The following ADARB1 variants were observed in gnomAD, a reference collection of about 807,000 sequenced individuals.
ADARB1 encodes the protein adenosine deaminase RNA specific B1.
In ADARB1, 10 loss-of-function variants were observed where a neutral mutation model predicts 52.4. That is an observed-to-expected ratio of 0.19 (90% CI 0.12 to 0.32). The LOEUF is 0.32. Among genes scored for constraint, ADARB1 ranks in the 10% least tolerant of loss-of-function variants. The pLI is 1.00. For synonymous variants in ADARB1, 349 were observed against 371.1 expected (o/e 0.94, Z 0.68); for missense variants, 643 against 922.3 (o/e 0.70, Z 3.92).
Position 45,208,707 on chromosome 21 carries a change from C to T in ADARB1, c.1747+3971C>T, listed in dbSNP as rs1268714315. 1.3e-5 allele frequency among the ~76,000 whole-genome samples: 2 copies of T among 151,652 alleles called. No homozygotes were observed. The highest frequency in any genetic ancestry group is 2.9e-5 in the Non-Finnish European group (2 of 67,876). On this transcript the variant is annotated intron_variant, in intron 9 of 10. Coordinates refer to ENST00000348831, the MANE Select transcript of ADARB1 (RefSeq NM_001112.4). The surrounding 1 kb of genome is among the most constrained non-coding windows in gnomAD (Gnocchi z 5.6). Reference sequence around the variant, plus strand: ...GTGTGTGCATGTGTGTGTGCACGCTCACATGAGTGTATGAGAGAGAGAGTG... The same window carrying T: ...GTGTGTGCATGTGTGTGTGCACGCTTACATGAGTGTATGAGAGAGAGAGTG...
rs2092994268 is a variant in ADARB1 at position 45,223,138 on chromosome 21, A to C, written c.*941A>C. 1 of 985,382 alleles carries C rather than the reference A, an allele frequency of 1.0e-6. No individual in the cohort carries two copies. Among genetic ancestry groups the C allele is most frequent in the Admixed American group, 6.1e-5 (1 of 16,276 alleles). The allele number at this position is 985,382 out of a possible 1,614,324, so 61.0% of individuals were successfully genotyped here. A position where few individuals can be genotyped will look rare whatever the true frequency, so the allele number is the denominator to read the frequency against. On this transcript the variant is annotated 3_prime_UTR_variant, in exon 11 of 11. Coordinates refer to ENST00000348831, the MANE Select transcript of ADARB1 (RefSeq NM_001112.4). ...TCCCTCTGTTCCTTCCTCTGAATCG[A>C]ATGGATGTGGGTGACCGCCCGAAGG...
At chr21:45,119,542 T>A (rs140094480) in intron 1 of ADARB1, among the ~76,000 whole-genome samples, 1 of 152,254 alleles carries the variant, frequency 6.6e-6, no homozygotes, top group Non-Finnish European at 1.5e-5. Context: ...GAAGTTCTTA[T>A]GAGACGTGTT....
rs1483902268 is a variant in ADARB1, at chr21:45,157,787, C to T, written c.-47-13823C>T. Among the ~76,000 whole-genome samples the T allele has an allele frequency of 1.3e-5, 2 of 152,148 alleles. No individual in the cohort carries two copies. Among genetic ancestry groups the T allele is most frequent in the Non-Finnish European group, 2.9e-5 (2 of 68,016 alleles). ...GATGCTCTGTGGCACAGCTGGCCCT[C>T]GAAGTCACTCAGGGACCTAGGTTTC... On this transcript the variant is annotated intron_variant, in intron 2 of 10. Coordinates refer to ENST00000348831, the MANE Select transcript of ADARB1 (RefSeq NM_001112.4). The surrounding 1 kb of genome is among the most constrained non-coding windows in gnomAD (Gnocchi z 4.1).
intron 1 of ADARB1, among the ~76,000 whole-genome samples, chr21:45,080,864 G>A (rs868853092): frequency 7.9e-5 from 12 of 152,280 alleles, no homozygotes; most frequent in African/African-American, 2.9e-4. Context: ...TTGTTGCTTT[G>A]GGCCTGTTGC....
At chr21:45,195,280 A>G (rs190399801) in intron 8 of ADARB1, among the ~76,000 whole-genome samples, 1 of 151,932 alleles carries the variant, frequency 6.6e-6, no homozygotes, top group Admixed American at 6.6e-5. Context: ...GAGTTTAGAG[A>G]GTTTTTTGTA....
chr21:45,147,465 G>A (rs1480408012), intron 2 of ADARB1, among the ~76,000 whole-genome samples: 1 of 152,238 alleles, frequency 6.6e-6, no homozygotes, highest in African/African-American at 2.4e-5. Flanking sequence ...GCACAGATGT[G>A]TGCACAGATG....
At chr21:45,124,884 A>T (rs1305270169) in intron 1 of ADARB1, among the ~76,000 whole-genome samples, 2 of 151,558 alleles carry the variant, frequency 1.3e-5, no homozygotes, top group African/African-American at 4.9e-5. Flanking sequence ...TGCAGCCTCG[A>T]CCATTCAGGC....
intron 8 of ADARB1, among the ~76,000 whole-genome samples, chr21:45,201,106 G>A (rs577319858): frequency 6.6e-6 from 1 of 152,250 alleles, no homozygotes; most frequent in African/African-American, 2.4e-5. Flanking sequence ...CATGGGGTCC[G>A]CAGGACAGGT....
At chr21:45,109,598 A>G (rs1274379359) in intron 1 of ADARB1, among the ~76,000 whole-genome samples, 3 of 152,248 alleles carry the variant, frequency 2.0e-5, no homozygotes, top group Admixed American at 6.5e-5. Flanking sequence ...GGCTCCGTGT[A>G]GATGGAGACT....
chr21:45,105,781 A>G lies in ADARB1; in HGVS notation c.-219-22621A>G, dbSNP rs556355266. 1.2e-4 allele frequency among the ~76,000 whole-genome samples: 19 copies of G among 152,362 alleles called. No homozygotes were observed. In the East Asian group the frequency reaches 3.7e-3, roughly 29 times the overall value. ...AAAACGTATTGTTGGTTGCAAGAAG[A>G]TAGGGGACTGGAAACATGATTCGTC... On this transcript the variant is annotated intron_variant, in intron 1 of 10. Transcript: ENST00000348831.
intron 2 of ADARB1, among the ~76,000 whole-genome samples, chr21:45,129,659 G>A (rs945235768): frequency 2.6e-5 from 4 of 152,260 alleles, no homozygotes; most frequent in Admixed American, 6.5e-5. Context: ...ATGCAGAGCT[G>A]TGGGGAGGGA....
At chr21:45,168,153 C>T (rs1259648579) in intron 2 of ADARB1, among the ~76,000 whole-genome samples, 4 of 152,064 alleles carry the variant, frequency 2.6e-5, no homozygotes, top group African/African-American at 7.2e-5. Flanking sequence ...AGATCCTCTT[C>T]GTGTCCTTTG....
In ADARB1 at chr21:45,176,571, G is replaced by A. The variant is rs200806468; in HGVS notation, c.870G>A (p.Gln290=). The A allele has an allele frequency of 6.2e-7, 1 of 1,614,210 alleles. No homozygotes were observed. The highest frequency in any genetic ancestry group is 8.5e-7 in the Non-Finnish European group (1 of 1,180,048). Residue 290 remains glutamine (Q), a synonymous_variant, in exon 4 of 11, where the codon CAG becomes CAA. Transcript: ENST00000348831. This position sits in a 1 kb window ranked among gnomAD's most constrained non-coding sequence, Gnocchi z 5.8. ...NKKLAKARAA[Q]SALAAIFNLH... ...AGCTTGCCAAGGCCCGGGCTGCGCA[G>A]TCTGCCCTGGCCGCCATTTTTAACT...
intron 1 of ADARB1, among the ~76,000 whole-genome samples, chr21:45,079,918 G>C (rs1379184602): frequency 6.6e-6 from 1 of 152,132 alleles, no homozygotes; most frequent in Non-Finnish European, 1.5e-5. Flanking sequence ...GGAATGGCCT[G>C]GGAGCTTTTG....
chr21:45,161,567 G>A (rs1009893035), intron 2 of ADARB1, among the ~76,000 whole-genome samples: 2 of 152,254 alleles, frequency 1.3e-5, no homozygotes, highest in South Asian at 4.1e-4. Flanking sequence ...GCTGAGGGAA[G>A]CACAGCGCAG....
rs562947450 is a variant in ADARB1 at position 45,176,880 on chromosome 21, A to G, written c.963+216A>G. Among the ~76,000 whole-genome samples, 1 of 152,214 alleles carries G rather than the reference A, an allele frequency of 6.6e-6. No homozygotes were observed. Among genetic ancestry groups the G allele is most frequent in the African/African-American group, 2.4e-5 (1 of 41,522 alleles). ...CCTAGTGCATGCTGGGTCTGTCGCA[A>G]TGCAAGGCAGGGACACCTGAGACCC... On this transcript the variant is annotated intron_variant, in intron 4 of 10. Coordinates refer to ENST00000348831, the MANE Select transcript of ADARB1 (RefSeq NM_001112.4). The surrounding 1 kb of genome is among the most constrained non-coding windows in gnomAD (Gnocchi z 5.8).
At chr21:45,175,068 A>G (rs2091640126) in intron 3 of ADARB1, among the ~76,000 whole-genome samples, 1 of 152,118 alleles carries the variant, frequency 6.6e-6, no homozygotes, top group Non-Finnish European at 1.5e-5. Flanking sequence ...ATAAAACCAT[A>G]CCCTCCTAAA....
At chr21:45,192,084 G>A (rs1352333569) in intron 8 of ADARB1, among the ~76,000 whole-genome samples, 1 of 151,638 alleles carries the variant, frequency 6.6e-6, no homozygotes, top group Non-Finnish European at 1.5e-5. Flanking sequence ...AGGCTTCTTT[G>A]AAATAAGCCA....
rs1321153875 is a variant in ADARB1 at position 45,157,992 on chromosome 21, G to A, written c.-47-13618G>A. ...CCACAGGAGGCGAGCCTGTGTCCTT[G>A]CCCATCACCTCTTTCCAGCTGGTGT... On this transcript the variant is annotated intron_variant, in intron 2 of 10. Transcript: ENST00000348831. This position sits in a 1 kb window ranked among gnomAD's most constrained non-coding sequence, Gnocchi z 4.1. 1.3e-5 allele frequency among the ~76,000 whole-genome samples: 2 copies of A among 152,210 alleles called. No individual in the cohort carries two copies. Among genetic ancestry groups the A allele is most frequent in the African/African-American group, 4.8e-5 (2 of 41,458 alleles).
Sources: allele counts gnomAD v4.1 joint callset (sites outside exome capture counted in the v4.1 genomes callset), GRCh38; gene constraint gnomAD v4.1.1; non-coding constraint Gnocchi (gnomAD v3.1); transcripts MANE v1.5; gene names NCBI Gene and HGNC (gene_info 2026-07-23, HGNC 2026-07-21).